The following EML4 variants were observed in gnomAD, a reference collection of about 807,000 sequenced individuals.
EML4 encodes the protein echinoderm microtubule-associated protein-like 4.
EML4 carries 72 observed loss-of-function variants against 129.0 expected under a neutral mutation model. The observed-to-expected ratio is 0.56, with a 90% CI of 0.46 to 0.68. EML4 has a LOEUF of 0.68. Ranked by LOEUF, EML4 falls within the 30% of genes least tolerant of loss-of-function variation. EML4 has a pLI of 0.00. For synonymous variants in EML4, 532 were observed against 405.0 expected (o/e 1.31, Z -3.77); for missense variants, 1,363 against 1,190.6 (o/e 1.14, Z -2.13).
At chr2:42,217,608 C>T (rs1185445748) in intron 1 of EML4, among the ~76,000 whole-genome samples, 1 of 151,876 alleles carries the variant, frequency 6.6e-6, no homozygotes, top group Admixed American at 6.6e-5. Context: ...AATACTGTAC[C>T]CATGAAAAAG....
chr2:42,201,734 C>T (rs1439617569), intron 1 of EML4, among the ~76,000 whole-genome samples: 1 of 152,176 alleles, frequency 6.6e-6, no homozygotes, highest in African/African-American at 2.4e-5. Context: ...CACAGAGACA[C>T]ATACCCAGAT....
intron 1 of EML4, among the ~76,000 whole-genome samples, chr2:42,192,740 G>T (rs1572855003): frequency 6.6e-6 from 1 of 152,118 alleles, no homozygotes; most frequent in East Asian, 1.9e-4. Flanking sequence ...CTCCCACTAG[G>T]ATTCAAAAAC....
intron 19 of EML4, chr2:42,319,431 AC>A (rs1366150021): frequency 6.6e-6 from 1 of 152,210 alleles, no homozygotes; most frequent in African/African-American, 2.4e-5. Flanking sequence ...AATTTGAGAT[AC>A]CCATAGGAAC....
chr2:42,319,139 A>G (rs1669394052), intron 19 of EML4, among the ~76,000 whole-genome samples: 1 of 152,206 alleles, frequency 6.6e-6, no homozygotes, highest in Non-Finnish European at 1.5e-5. Flanking sequence ...GAGAAGATTA[A>G]TGACTTGTCA....
intron 1 of EML4, among the ~76,000 whole-genome samples, chr2:42,195,898 G>A (rs1375616122): frequency 6.6e-6 from 1 of 152,118 alleles, no homozygotes; most frequent in Non-Finnish European, 1.5e-5. Flanking sequence ...TGAATTCCCT[G>A]TGGAACCTAG....
chr2:42,179,940 AGAGG>A (rs755596745), intron 1 of EML4, among the ~76,000 whole-genome samples: 2 of 152,194 alleles, frequency 1.3e-5, no homozygotes, highest in African/African-American at 4.8e-5. Context: ...GTGTACATAT[AGAGG>A]GAGGGAGGGA....
chr2:42,211,954 C>T (rs540311299), intron 1 of EML4, among the ~76,000 whole-genome samples: 333 of 152,250 alleles, frequency 2.2e-3, no homozygotes, highest in African/African-American at 7.5e-3. Flanking sequence ...AAACGATTCT[C>T]GTGCGTCAGC....
At chr2:42,244,906 G>C (rs1169990380) in intron 1 of EML4, among the ~76,000 whole-genome samples, 2 of 151,930 alleles carry the variant, frequency 1.3e-5, no homozygotes, top group Non-Finnish European at 2.9e-5. Context: ...CTTTTCGTGA[G>C]AAAACCAATT....
chr2:42,173,527 C>A (rs1670398129), intron 1 of EML4, among the ~76,000 whole-genome samples: 1 of 151,954 alleles, frequency 6.6e-6, no homozygotes, highest in African/African-American at 2.4e-5. Context: ...TGCTTTTTGC[C>A]CTTTAGGAGC....
chr2:42,214,973 A>C (rs983322227), intron 1 of EML4, among the ~76,000 whole-genome samples: 7 of 152,216 alleles, frequency 4.6e-5, no homozygotes, highest in Non-Finnish European at 7.3e-5. Flanking sequence ...AGAACTACAT[A>C]AGAGCATGAC....
chr2:42,180,315 C>G (rs1014995375), intron 1 of EML4, among the ~76,000 whole-genome samples: 2 of 152,142 alleles, frequency 1.3e-5, no homozygotes, highest in Non-Finnish European at 2.9e-5. Flanking sequence ...AGCTGTGGTT[C>G]AGATTTAGCC....
intron 3 of EML4, among the ~76,000 whole-genome samples, chr2:42,257,105 G>A (rs1215968298): frequency 1.3e-5 from 2 of 151,970 alleles, no homozygotes; most frequent in African/African-American, 4.8e-5. Context: ...AGTACTATCT[G>A]GGGTGTGTGG....
At chr2:42,288,563 A>G (rs1236593522) in intron 11 of EML4, 1 of 237,476 alleles carries the variant, frequency 4.2e-6, no homozygotes, top group Non-Finnish European at 8.2e-6. Flanking sequence ...TATAGTCCTG[A>G]AATGCCAGAG....
chr2:42,244,103 T>G (rs1675222497), intron 1 of EML4, among the ~76,000 whole-genome samples: 1 of 59,076 alleles, frequency 1.7e-5, no homozygotes, highest in Non-Finnish European at 4.1e-5. Flanking sequence ...TGTTTTTTGT[T>G]TTTTTTTTTT....
chr2:42,264,718 C>A lies in EML4; in HGVS notation c.654C>A (p.Val218=). The part of the protein sequence containing the change: ...VTKTADKHKD[V]IINQEGEYIK... The stretch of plus-strand genomic sequence containing the variant: ...ATTTCTTTTCTAGGCATAAAGATGT[C>A]ATCATCAACCAAGGTAAATTAAAAA... The change falls in exon 6 of 23, where the codon GTC becomes GTA. Residue 218 remains valine, a synonymous_variant. Transcript: ENST00000318522. The A allele has an allele frequency of 6.9e-7, 1 of 1,446,878 alleles. No individual in the cohort carries two copies. Among genetic ancestry groups the A allele is most frequent in the Non-Finnish European group, 9.6e-7 (1 of 1,040,552 alleles). The allele number at this position is 1,446,878 out of a possible 1,614,324, so 89.6% of individuals were successfully genotyped here.
chr2:42,324,969 T>G (rs1164100199), intron 19 of EML4, among the ~76,000 whole-genome samples: 3 of 152,184 alleles, frequency 2.0e-5, no homozygotes, highest in Admixed American at 6.5e-5. Context: ...TCTTTAGAGA[T>G]AGTCTTTCTA....
intron 6 of EML4, among the ~76,000 whole-genome samples, chr2:42,277,929 T>A (rs1208225931): frequency 1.3e-5 from 2 of 152,196 alleles, no homozygotes; most frequent in Non-Finnish European, 2.9e-5. Flanking sequence ...AATTAATCTT[T>A]CCTTCCTCTT....
At chr2:42,264,257 G>T (rs1415151720) in intron 5 of EML4, among the ~76,000 whole-genome samples, 2 of 151,972 alleles carry the variant, frequency 1.3e-5, no homozygotes, top group Admixed American at 1.3e-4. Context: ...TGGGACTACA[G>T]ACGCGTGCCA....
chr2:42,295,635 A>C, intron 13 of EML4, 119 bp downstream of exon 13: 1 of 742,106 alleles, frequency 1.3e-6, no homozygotes, highest in Non-Finnish European at 2.1e-6. Context: ...AGTCACCAAC[A>C]TACCTTTTGT....
Sources: allele counts gnomAD v4.1 joint callset (sites outside exome capture counted in the v4.1 genomes callset), GRCh38; gene constraint gnomAD v4.1.1; transcripts MANE v1.5; gene names NCBI Gene and HGNC (gene_info 2026-07-23, HGNC 2026-07-21).